Variants in ORMDL1 observed in about 807,000 individuals in gnomAD.
ORMDL1 encodes ORMDL sphingolipid biosynthesis regulator 1.
ORMDL1 carries 10 observed loss-of-function variants against 13.0 expected under a neutral mutation model. The observed-to-expected ratio is 0.77, with a 90% CI of 0.47 to 1.30. The LOEUF is 1.30. Among genes scored for constraint, ORMDL1 ranks in the 50% most tolerant of loss-of-function variants. The pLI, the probability that ORMDL1 is intolerant of heterozygous loss-of-function variation, is 0.00. For missense variants in ORMDL1, 171 were observed against 186.7 expected (o/e 0.92, Z 0.49); for synonymous variants, 61 against 63.9 (o/e 0.95, Z 0.22).
At chr2:189,780,930 A>G (rs1175244397) in intron 3 of ORMDL1, among the ~76,000 whole-genome samples, 3 of 152,188 alleles carry the variant, frequency 2.0e-5, no homozygotes, top group African/African-American at 4.8e-5. Context: ...TATTGTTATT[A>G]TTTGAGGCAG....
At chr2:189,778,216 G>T in intron 3 of ORMDL1, 1 of 410,780 alleles carries the variant, frequency 2.4e-6, no homozygotes, top group Non-Finnish European at 4.8e-6. Context: ...CCAACATGGT[G>T]AAACCCTGTC....
At chr2:189,772,332 G>A (rs1395133115) in intron 4 of ORMDL1, among the ~76,000 whole-genome samples, 1 of 152,166 alleles carries the variant, frequency 6.6e-6, no homozygotes, top group Non-Finnish European at 1.5e-5. Context: ...TCCAAAAAAT[G>A]GGGTTTTAGT....
downstream of ORMDL1, among the ~76,000 whole-genome samples, chr2:189,767,900 G>C (rs533340743): frequency 9.2e-5 from 14 of 152,286 alleles, no homozygotes; most frequent in Admixed American, 7.2e-4. Flanking sequence ...CAACTTCTGT[G>C]AGGCCAACAT....
At chr2:189,776,062 A>G (rs949448790) in intron 3 of ORMDL1, among the ~76,000 whole-genome samples, 1 of 152,144 alleles carries the variant, frequency 6.6e-6, no homozygotes, top group Non-Finnish European at 1.5e-5. Flanking sequence ...TTTTTCCCCA[A>G]TGTACAGGAG....
intron 3 of ORMDL1, among the ~76,000 whole-genome samples, chr2:189,777,441 A>C (rs920866424): frequency 1.3e-5 from 2 of 152,352 alleles, no homozygotes; most frequent in Middle Eastern, 3.4e-3. Flanking sequence ...CATAGATATT[A>C]GAATATAAGA....
At chr2:189,780,451 AATAAG>A (rs369202373) in intron 3 of ORMDL1, among the ~76,000 whole-genome samples, 2 of 152,144 alleles carry the variant, frequency 1.3e-5, no homozygotes, top group African/African-American at 4.8e-5. Flanking sequence ...AGTAATCAGG[AATAAG>A]ATAAGTTCCA....
At chr2:189,769,788 G>A (rs2047540926), downstream of ORMDL1, among the ~76,000 whole-genome samples, 1 of 152,118 alleles carries the variant, frequency 6.6e-6, no homozygotes, top group Non-Finnish European at 1.5e-5. Flanking sequence ...AAGGGAAACA[G>A]AAAATCATCA....
chr2:189,768,938 A>G (rs1308503140), downstream of ORMDL1, among the ~76,000 whole-genome samples: 2 of 152,208 alleles, frequency 1.3e-5, no homozygotes, highest in African/African-American at 4.8e-5. Flanking sequence ...AAATACTTGA[A>G]GAGTTATGTA....
chr2:189,775,149 T>A, intron 4 of ORMDL1: 1 of 154,062 alleles, frequency 6.5e-6, no homozygotes, highest in Non-Finnish European at 1.4e-5. Flanking sequence ...AACCATACTC[T>A]TTCCCAAGGA....
At chr2:189,776,704 G>A (rs936759072) in intron 3 of ORMDL1, among the ~76,000 whole-genome samples, 3 of 152,064 alleles carry the variant, frequency 2.0e-5, no homozygotes, top group African/African-American at 7.2e-5. Flanking sequence ...AGTTATTCCA[G>A]TAGGCAATTC....
At chr2:189,767,214 G>A (rs1009249420), downstream of ORMDL1, among the ~76,000 whole-genome samples, 1 of 152,190 alleles carries the variant, frequency 6.6e-6, no homozygotes, top group African/African-American at 2.4e-5. Context: ...GTGGGTCTAT[G>A]TGTGGTTTTG....
At chr2:189,774,824 A>C (rs1233077409) in intron 4 of ORMDL1, 2 of 152,244 alleles carry the variant, frequency 1.3e-5, no homozygotes, top group Non-Finnish European at 2.9e-5. Context: ...CTACACATGA[A>C]ATATTCAAGA....
At chr2:189,768,820 G>T (rs139802632), downstream of ORMDL1, among the ~76,000 whole-genome samples, 81 of 152,230 alleles carry the variant, frequency 5.3e-4, no homozygotes, top group Non-Finnish European at 1.1e-3. Context: ...ACTTAGAGCA[G>T]AATTACCAGG....
intron 3 of ORMDL1, among the ~76,000 whole-genome samples, chr2:189,779,169 C>A (rs901377821): frequency 6.6e-6 from 1 of 152,116 alleles, no homozygotes; most frequent in Non-Finnish European, 1.5e-5. Context: ...CAGAGTGAGA[C>A]CCTGTCTCTG....
chr2:189,770,293 T>A lies in ORMDL1; in HGVS notation c.*1474A>T, dbSNP rs1267386637. Reference sequence around the variant, plus strand: ...AAACTTGAAAAATGTCATTTTAATTTTGATGACTAAATTTGGAGGGCTTTT... The same window carrying A: ...AAACTTGAAAAATGTCATTTTAATTATGATGACTAAATTTGGAGGGCTTTT... On this transcript the variant is annotated 3_prime_UTR_variant, in exon 5 of 5. Coordinates refer to ENST00000392349, the MANE Select transcript of ORMDL1 (RefSeq NM_016467.5). The A allele has an allele frequency of 6.6e-6, 1 of 152,226 alleles. No individual in the cohort carries two copies. The highest frequency in any genetic ancestry group is 2.4e-5 in the African/African-American group (1 of 41,472). 9.4% of individuals were successfully genotyped at this position (152,226 alleles called of 1,614,324 possible).
chr2:189,783,741 C>G (rs887015910), intron 1 of ORMDL1, among the ~76,000 whole-genome samples: 3 of 152,230 alleles, frequency 2.0e-5, no homozygotes, highest in Non-Finnish European at 4.4e-5. Flanking sequence ...TTCCCACGTT[C>G]CACAGGATGG....
chr2:189,774,401 C>G (rs1219028302), intron 4 of ORMDL1, among the ~76,000 whole-genome samples: 1 of 152,126 alleles, frequency 6.6e-6, no homozygotes, highest in Non-Finnish European at 1.5e-5. Flanking sequence ...GGAAAAAGAA[C>G]CCCATTATTT....
chr2:189,780,660 A>G (rs1315713473), intron 3 of ORMDL1, among the ~76,000 whole-genome samples: 7 of 152,246 alleles, frequency 4.6e-5, no homozygotes, highest in African/African-American at 1.7e-4. Flanking sequence ...GGAAGACCCC[A>G]TAAGAAGAAA....
chr2:189,783,381 A>G (rs945722891), intron 1 of ORMDL1: 1 of 152,246 alleles, frequency 6.6e-6, no homozygotes, highest in Admixed American at 6.5e-5. Context: ...ATTGCTTAAA[A>G]TAAAACTGTC....
Sources: allele counts gnomAD v4.1 joint callset (sites outside exome capture counted in the v4.1 genomes callset), GRCh38; gene constraint gnomAD v4.1.1; transcripts MANE v1.5; gene names NCBI Gene and HGNC (gene_info 2026-07-23, HGNC 2026-07-21).